PARD3: variants seen among roughly 807,000 people sequenced by gnomAD.
PARD3 encodes par-3 family cell polarity regulator.
In PARD3, 75 loss-of-function variants were observed where a neutral mutation model predicts 155.4. The ratio of observed to expected loss-of-function variants is 0.48; its 90% CI spans 0.40 to 0.58. The LOEUF (loss-of-function observed/expected upper bound fraction) is 0.58, where lower values mean the gene tolerates loss of function less well. Among genes scored for constraint, PARD3 ranks in the 20% least tolerant of loss-of-function variants. The probability of loss-of-function intolerance (pLI) is 0.00; values close to 1 mark genes in which losing one functional copy is unlikely to be tolerated. For missense variants in PARD3, 1,642 were observed against 1,721.7 expected (o/e 0.95, Z 0.82); for synonymous variants, 576 against 610.5 (o/e 0.94, Z 0.83).
chr10:34,261,961 G>A (rs181542426), intron 22 of PARD3, among the ~76,000 whole-genome samples: 21 of 152,310 alleles, frequency 1.4e-4, no homozygotes, highest in Admixed American at 1.1e-3. Context: ...CCAGGATAAA[G>A]CTGTGTCTGA....
At chr10:34,803,030 A>C (rs1842964653) in intron 1 of PARD3, among the ~76,000 whole-genome samples, 1 of 148,814 alleles carries the variant, frequency 6.7e-6, no homozygotes, top group Admixed American at 6.8e-5. Flanking sequence ...ATTCAAGACC[A>C]GCCTGGCCAA....
intron 2 of PARD3, among the ~76,000 whole-genome samples, chr10:34,637,750 G>A (rs2092533923): frequency 6.6e-6 from 1 of 152,188 alleles, no homozygotes; most frequent in African/African-American, 2.4e-5. Flanking sequence ...CGGCAGTTTG[G>A]AAAGCACCTG....
At chr10:34,712,933 G>A (rs2094468131) in intron 1 of PARD3, among the ~76,000 whole-genome samples, 1 of 152,198 alleles carries the variant, frequency 6.6e-6, no homozygotes, top group South Asian at 2.1e-4. Flanking sequence ...CTGAGGCCGG[G>A]CGCAGTGGCT....
intron 1 of PARD3, among the ~76,000 whole-genome samples, chr10:34,799,116 A>G (rs1439709408): frequency 6.6e-6 from 1 of 152,190 alleles, no homozygotes; most frequent in Non-Finnish European, 1.5e-5. Context: ...ATCTCGGCTC[A>G]CTGCAACCTC....
intron 22 of PARD3, among the ~76,000 whole-genome samples, chr10:34,219,683 T>C (rs1011537151): frequency 5.9e-5 from 9 of 152,186 alleles, no homozygotes; most frequent in Non-Finnish European, 1.2e-4. Flanking sequence ...CTGGTTTTGA[T>C]GTTAGGATTT....
intron 1 of PARD3, among the ~76,000 whole-genome samples, chr10:34,800,603 T>A (rs945845921): frequency 6.6e-6 from 1 of 151,808 alleles, no homozygotes; most frequent in African/African-American, 2.4e-5. Flanking sequence ...AGAGCGAGAC[T>A]CCATCTCAAA....
chr10:34,295,577 ATTGCCTTC>A (rs1956871370), intron 20 of PARD3, among the ~76,000 whole-genome samples: 1 of 152,036 alleles, frequency 6.6e-6, no homozygotes, highest in African/African-American at 2.4e-5. Flanking sequence ...ATGCTTCATC[ATTGCCTTC>A]AGTCTCATTT....
chr10:34,650,633 A>G (rs974302170), intron 2 of PARD3, among the ~76,000 whole-genome samples: 2 of 152,206 alleles, frequency 1.3e-5, no homozygotes, highest in African/African-American at 4.8e-5. Context: ...TTCATAATCA[A>G]TTCACACATG....
At chr10:34,346,558 T>C (rs1837451067) in intron 15 of PARD3, 25 of 1,216,090 alleles carry the variant, frequency 2.1e-5, no homozygotes, top group Admixed American at 2.9e-5. Context: ...AACAAAAAAA[T>C]AATTTAACAA....
chr10:34,491,372 T>C (rs2079894333), intron 3 of PARD3, among the ~76,000 whole-genome samples: 1 of 152,264 alleles, frequency 6.6e-6, no homozygotes, highest in Admixed American at 6.5e-5. Context: ...TTTCCACTAC[T>C]TCTTTCTAAC....
chr10:34,393,401 G>A (rs1224006965), intron 7 of PARD3, among the ~76,000 whole-genome samples: 1 of 151,800 alleles, frequency 6.6e-6, no homozygotes, highest in Non-Finnish European at 1.5e-5. Context: ...GCAACATTGG[G>A]AAACCTCATG....
At chr10:34,210,012 A>G (rs1314683784) in intron 22 of PARD3, among the ~76,000 whole-genome samples, 1 of 152,176 alleles carries the variant, frequency 6.6e-6, no homozygotes, top group Non-Finnish European at 1.5e-5. Flanking sequence ...TATGCTGTAA[A>G]TTTATAAAAT....
chr10:34,110,965 T>C lies in PARD3; in HGVS notation c.*204A>G, dbSNP rs930199184. 3.6e-5 allele frequency: 18 copies of C among 495,270 alleles called. No individual in the cohort carries two copies. The highest frequency in any genetic ancestry group is 6.3e-5 in the Non-Finnish European group (18 of 287,698). 30.7% of individuals were successfully genotyped at this position (495,270 alleles called of 1,614,324 possible). A position where few individuals can be genotyped will look rare whatever the true frequency, so the allele number is the denominator to read the frequency against. ...CAGATGATTGTCACAGGGTGGGAAA[T>C]CCTTCCATGAAACAGACACTTGAGA... On this transcript the variant is annotated 3_prime_UTR_variant, in exon 25 of 25. Coordinates refer to ENST00000374788, the MANE Select transcript of PARD3 (RefSeq NM_001184785.2).
chr10:34,268,121 C>A (rs1955420132), intron 22 of PARD3, among the ~76,000 whole-genome samples: 1 of 146,730 alleles, frequency 6.8e-6, no homozygotes, highest in Non-Finnish European at 1.5e-5. Flanking sequence ...CTTGAACATA[C>A]AAATGAAAGA....
At chr10:34,305,973 T>C (rs1352609937) in intron 20 of PARD3, among the ~76,000 whole-genome samples, 1 of 151,932 alleles carries the variant, frequency 6.6e-6, no homozygotes, top group Non-Finnish European at 1.5e-5. Context: ...CAAGATCCTG[T>C]CTCTAAAAAA....
At chr10:34,432,456 T>C (rs1289884583) in intron 5 of PARD3, among the ~76,000 whole-genome samples, 2 of 151,416 alleles carry the variant, frequency 1.3e-5, no homozygotes, top group African/African-American at 4.9e-5. Flanking sequence ...AGAGAGTAAG[T>C]TTGAAGCCTG....
intron 4 of PARD3, among the ~76,000 whole-genome samples, chr10:34,461,500 G>C (rs1229004353): frequency 6.6e-6 from 1 of 152,170 alleles, no homozygotes; most frequent in Non-Finnish European, 1.5e-5. Flanking sequence ...CAGCTACTGG[G>C]GGGGCTGAGG....
intron 1 of PARD3, among the ~76,000 whole-genome samples, chr10:34,698,054 T>A (rs1036256466): frequency 2.8e-4 from 42 of 152,082 alleles, no homozygotes; most frequent in Non-Finnish European, 4.3e-4. Flanking sequence ...AATAGCCACA[T>A]CCTGCCCACC....
chr10:34,547,048 A>C (rs2133935942), intron 2 of PARD3, among the ~76,000 whole-genome samples: 1 of 152,378 alleles, frequency 6.6e-6, no homozygotes, highest in South Asian at 2.1e-4. Flanking sequence ...TTTGATAATA[A>C]GAACACAGAA....
Sources: gnomAD v4.1 joint callset for allele counts (sites outside exome capture counted in the v4.1 genomes callset) on GRCh38, gnomAD v4.1.1 for gene constraint, MANE v1.5 for transcripts, NCBI Gene and HGNC (gene_info 2026-07-23, HGNC 2026-07-21) for gene names.